SPINK5: variants seen among roughly 807,000 people sequenced by gnomAD.
SPINK5 encodes serine peptidase inhibitor Kazal type 5.
Under a neutral mutation model 151.8 loss-of-function variants are expected in SPINK5, and 125 were observed. That is an observed-to-expected ratio of 0.82 (90% CI 0.71 to 0.96). The LOEUF (loss-of-function observed/expected upper bound fraction) is 0.96, where lower values mean the gene tolerates loss of function less well. SPINK5 is among the 40% of genes least tolerant of loss of function. The pLI, the probability that SPINK5 is intolerant of heterozygous loss-of-function variation, is 0.00. For missense variants in SPINK5, 1,194 were observed against 1,291.9 expected (o/e 0.92, Z 1.16); for synonymous variants, 374 against 395.3 (o/e 0.95, Z 0.64).
In SPINK5 at chr5:148,101,865, G is replaced by A. The variant is rs1157066833; in HGVS notation, c.1387G>A (p.Gly463Arg). Residue 463 changes from glycine (G) to arginine (R), a missense_variant, in exon 15 of 33, where the codon GGA (glycine) becomes AGA (arginine). Coordinates refer to ENST00000256084, the MANE Select transcript of SPINK5 (RefSeq NM_006846.4). The part of the protein sequence containing the change: ...RENDPIQGPD[G>R]KMHGNTCSMC... ...GAATGACCCCATCCAGGGCCCAGAT[G>A]GAAAAATGCATGGCAACACCTGCTC... 1.9e-6 allele frequency: 3 copies of A among 1,613,706 alleles called. No individual in the cohort carries two copies. The highest frequency in any genetic ancestry group is 1.3e-5 in the African/African-American group (1 of 74,890).
At chr5:148,131,428 G>C in intron 31 of SPINK5, 39 bp downstream of exon 31, 3 of 1,612,728 alleles carry the variant, frequency 1.9e-6, no homozygotes, top group Non-Finnish European at 2.5e-6. Context: ...TTCCAGTTTA[G>C]AATTTCTCAG....
chr5:148,102,866 G>C (rs1296764282), intron 15 of SPINK5, among the ~76,000 whole-genome samples: 3 of 152,090 alleles, frequency 2.0e-5, no homozygotes. Flanking sequence ...CAAGAATGGA[G>C]ATTTTATTAT....
chr5:148,112,785 A>C, intron 19 of SPINK5, 83 bp from the exon 20 acceptor site: 1 of 1,589,234 alleles, frequency 6.3e-7, no homozygotes, highest in East Asian at 2.3e-5. Flanking sequence ...GTAATGGACC[A>C]TTTTTATGTA....
In SPINK5 at chr5:148,070,181, T is replaced by G. The variant is rs2127189235; in HGVS notation, c.82-142T>G. ...TATGTATCAGGCATTCTTTGAGGGC[T>G]TTACATACTTAATCTTCAAAAAACC... On this transcript the variant is annotated intron_variant, in intron 2 of 32. Transcript: ENST00000256084. 5 of 887,524 alleles carry G rather than the reference T, an allele frequency of 5.6e-6. No individual in the cohort carries two copies. In the South Asian group the frequency reaches 8.2e-5, roughly 15 times the overall value. 55.0% of individuals were successfully genotyped at this position (887,524 alleles called of 1,614,324 possible). A position where few individuals can be genotyped will look rare whatever the true frequency, so the allele number is the denominator to read the frequency against.
intron 23 of SPINK5, 118 bp downstream of exon 23, chr5:148,118,682 A>C: frequency 6.9e-7 from 1 of 1,449,296 alleles, no homozygotes; most frequent in Non-Finnish European, 9.5e-7. Context: ...CTAATTTCCA[A>C]ATATTCTATT....
At chr5:148,100,828 G>C (rs1355221867) in intron 13 of SPINK5, among the ~76,000 whole-genome samples, 1 of 152,166 alleles carries the variant, frequency 6.6e-6, no homozygotes, top group African/African-American at 2.4e-5. Context: ...TTTAAGTGTG[G>C]AAACAGGACA....
At chr5:148,066,989 G>T (rs1262431446) in intron 2 of SPINK5, among the ~76,000 whole-genome samples, 2 of 152,130 alleles carry the variant, frequency 1.3e-5, no homozygotes, top group East Asian at 3.9e-4. Flanking sequence ...TTTTTACGAT[G>T]CTGTGATTTT....
chr5:148,073,539 C>T (rs2127193400), intron 4 of SPINK5, among the ~76,000 whole-genome samples: 1 of 151,868 alleles, frequency 6.6e-6, no homozygotes, highest in South Asian at 2.1e-4. Context: ...GAGTGGCTCA[C>T]TTTCTAACAT....
intron 2 of SPINK5, among the ~76,000 whole-genome samples, chr5:148,066,813 T>A (rs1001653025): frequency 1.3e-5 from 2 of 152,218 alleles, no homozygotes; most frequent in Admixed American, 1.3e-4. Context: ...CTATTTTTCA[T>A]AGCATTAACC....
At chr5:148,111,719 A>T (rs1479023965) in intron 18 of SPINK5, 49 bp from the exon 19 acceptor site, 1 of 1,613,010 alleles carries the variant, frequency 6.2e-7, no homozygotes, top group East Asian at 2.2e-5. Context: ...GAAGATTTCT[A>T]GTGTTTAGTT....
intron 4 of SPINK5, among the ~76,000 whole-genome samples, chr5:148,084,145 A>G: frequency 6.6e-6 from 1 of 151,892 alleles, no homozygotes; most frequent in Non-Finnish European, 1.5e-5. Context: ...GTTGTTTAGT[A>G]TATTCTATTT....
intron 26 of SPINK5, among the ~76,000 whole-genome samples, chr5:148,120,888 T>C (rs1195652814): frequency 6.6e-6 from 1 of 151,956 alleles, no homozygotes. Context: ...CTCAGGCCTA[T>C]AATCCCAGCA....
At chr5:148,069,983 T>G (rs1042945522) in intron 2 of SPINK5, among the ~76,000 whole-genome samples, 6 of 152,116 alleles carry the variant, frequency 3.9e-5, no homozygotes, top group African/African-American at 1.4e-4. Context: ...TTCAGCAACA[T>G]TTTCATATTC....
intron 4 of SPINK5, 91 bp downstream of exon 4, chr5:148,072,311 AC>A: frequency 7.2e-7 from 1 of 1,388,060 alleles, no homozygotes; most frequent in Non-Finnish European, 1.0e-6. Context: ...ACTAGGTCAT[AC>A]CTGTTTTGAA....
intron 16 of SPINK5, among the ~76,000 whole-genome samples, chr5:148,105,920 G>A (rs996968151): frequency 1.3e-5 from 2 of 151,542 alleles, no homozygotes; most frequent in South Asian, 2.1e-4. Context: ...CACTGCACCC[G>A]GCCTGTTTAT....
At chr5:148,118,858 C>T in intron 23 of SPINK5, 128 bp from the exon 24 acceptor site, 3 of 999,490 alleles carry the variant, frequency 3.0e-6, no homozygotes, top group Non-Finnish European at 4.6e-6. Flanking sequence ...TTGTCACGGC[C>T]ATTTGGAATC....
chr5:148,109,941 C>T (rs577210851), intron 18 of SPINK5, among the ~76,000 whole-genome samples: 3 of 152,136 alleles, frequency 2.0e-5, no homozygotes, highest in Non-Finnish European at 4.4e-5. Flanking sequence ...CATTGTTCTC[C>T]ATGCACCAAT....
intron 26 of SPINK5, among the ~76,000 whole-genome samples, chr5:148,122,179 A>C (rs1237681099): frequency 6.6e-6 from 1 of 152,170 alleles, no homozygotes; most frequent in African/African-American, 2.4e-5. Context: ...ACACATAATT[A>C]ATGAATAGAA....
At chr5:148,121,616 A>G (rs540180138) in intron 26 of SPINK5, among the ~76,000 whole-genome samples, 2 of 150,370 alleles carry the variant, frequency 1.3e-5, no homozygotes, top group South Asian at 4.2e-4. Flanking sequence ...GAACAGAAAA[A>G]TGCTATATAT....
Sources: allele counts gnomAD v4.1 joint callset (sites outside exome capture counted in the v4.1 genomes callset), GRCh38; gene constraint gnomAD v4.1.1; transcripts MANE v1.5; gene names NCBI Gene and HGNC (gene_info 2026-07-23, HGNC 2026-07-21).